UBE2O: variants seen among roughly 807,000 people sequenced by gnomAD.
UBE2O encodes ubiquitin conjugating enzyme E2 O.
UBE2O carries 15 observed loss-of-function variants against 125.8 expected under a neutral mutation model. The ratio of observed to expected loss-of-function variants is 0.12; its 90% CI spans 0.08 to 0.18. The LOEUF is 0.18. Ranked by LOEUF, UBE2O falls within the 10% of genes least tolerant of loss-of-function variation. The pLI is 1.00. For missense variants in UBE2O, 1,280 were observed against 1,723.6 expected (o/e 0.74, Z 4.56); for synonymous variants, 708 against 703.2 (o/e 1.01, Z -0.11).
In UBE2O at chr17:76,402,699, G is replaced by C. The variant is rs202081283; in HGVS notation, c.589C>G (p.Pro197Ala). 1 of 1,613,782 alleles carries C rather than the reference G, an allele frequency of 6.2e-7. No individual in the cohort carries two copies. The highest frequency in any genetic ancestry group is 2.2e-5 in the East Asian group (1 of 44,888). The change falls in exon 4 of 18, where the codon CCC becomes GCC. Residue 197 changes from proline (P) to alanine (A), a missense_variant and splice_region_variant. This residue lies in a region of UBE2O where 206 missense variants were observed against 315.7 expected (regional missense o/e 0.65). Coordinates refer to ENST00000319380, the MANE Select transcript of UBE2O (RefSeq NM_022066.4). This position sits in a 1 kb window ranked among gnomAD's most constrained non-coding sequence, Gnocchi z 5.4. Reference protein sequence around the residue: ...VNSKDLQHIWPFMYGDYIAYD... With the variant: ...VNSKDLQHIWAFMYGDYIAYD... ...GCAATGTAGTCCCCATACATGAAGG[G>C]CTGCAGACCAAGGAGGCAGGGGCAG...
At position 76,402,122 on chromosome 17, in the gene UBE2O, G is replaced by A; in HGVS notation, c.692C>T (p.Ser231Phe). ...CTTGGCGCCATCTTCCGTGTTCATGGAGCACCTAAAACAGAGAACAGAGGT... is the reference window on the plus strand; with the variant it reads ...CTTGGCGCCATCTTCCGTGTTCATGAAGCACCTAAAACAGAGAACAGAGGT... Reference protein sequence around the residue: ...ILKLSNGARCSMNTEDGAKLY... With the variant: ...ILKLSNGARCFMNTEDGAKLY... Residue 231 changes from serine to phenylalanine, a missense_variant, in exon 5 of 18, where the codon TCC becomes TTC. Physicochemically the swap from Ser to Phe is radical, Grantham distance 155. Coordinates refer to ENST00000319380, the MANE Select transcript of UBE2O (RefSeq NM_022066.4). The surrounding 1 kb of genome is among the most constrained non-coding windows in gnomAD (Gnocchi z 5.4). 6.2e-7 allele frequency: 1 copy of A among 1,613,652 alleles called. No individual in the cohort carries two copies.
chr17:76,418,434 G>A lies in UBE2O; in HGVS notation c.418-12862C>T, dbSNP rs528963230. On this transcript the variant is annotated intron_variant, in intron 1 of 17. Coordinates refer to ENST00000319380, the MANE Select transcript of UBE2O (RefSeq NM_022066.4). ...CATTTGGCTGTCTGCACCCTGTGCT[G>A]GCCTCTGAAGGGCAATGGTGGAAGC... 1.3e-4 allele frequency among the ~76,000 whole-genome samples: 20 copies of A among 152,332 alleles called. No individual in the cohort carries two copies. In the East Asian group the frequency reaches 3.1e-3, roughly 24 times the overall value.
intron 1 of UBE2O, among the ~76,000 whole-genome samples, chr17:76,434,399 T>G (rs2072951985): frequency 6.6e-6 from 1 of 152,080 alleles, no homozygotes; most frequent in South Asian, 2.1e-4. Flanking sequence ...CCCCAACGCG[T>G]AGGAAACACA....
rs752432724 is a variant in UBE2O, at chr17:76,437,037, T to C, written c.417+15688A>G. Among the ~76,000 whole-genome samples, 4 of 152,016 alleles carry C rather than the reference T, an allele frequency of 2.6e-5. No homozygotes were observed. The South Asian group carries it at 8.3e-4, about 32-fold the overall frequency. On this transcript the variant is annotated intron_variant, in intron 1 of 17. Transcript: ENST00000319380. ...GGTGGTGGGCACCCATAATCCTAGC[T>C]GCTCAGGAGGCTGAGGCAGGAGAAT...
intron 1 of UBE2O, among the ~76,000 whole-genome samples, chr17:76,429,285 T>TG (rs1354742287): frequency 6.6e-5 from 10 of 151,900 alleles, no homozygotes; most frequent in African/African-American, 2.4e-4. Flanking sequence ...CTCATGCCTG[T>TG]GATCCCAGCA....
At chr17:76,437,286 T>C (rs111414508) in intron 1 of UBE2O, among the ~76,000 whole-genome samples, 1 of 150,058 alleles carries the variant, frequency 6.7e-6, no homozygotes, top group Non-Finnish European at 1.5e-5. Context: ...CCGTCTCTAC[T>C]AAAAATACAC....
rs1328286070 is a variant in UBE2O, at chr17:76,405,759, G to A, written c.418-187C>T. On this transcript the variant is annotated intron_variant, in intron 1 of 17. Transcript: ENST00000319380. This position sits in a 1 kb window ranked among gnomAD's most constrained non-coding sequence, Gnocchi z 6.1. ...CAGCACCCAGACCCACAGGCAGAGC[G>A]CGTCACGCCCACAGGCCTCCTGGGG... Among the ~76,000 whole-genome samples, 1 of 152,158 alleles carries A rather than the reference G, an allele frequency of 6.6e-6. No homozygotes were observed. The highest frequency in any genetic ancestry group is 1.5e-5 in the Non-Finnish European group (1 of 68,034).
chr17:76,403,329 G>A (rs926194981), intron 3 of UBE2O, among the ~76,000 whole-genome samples: 5 of 152,094 alleles, frequency 3.3e-5, no homozygotes, highest in African/African-American at 1.2e-4. Flanking sequence ...GAGTGCAATG[G>A]TGTGATCTTG....
intron 1 of UBE2O, among the ~76,000 whole-genome samples, chr17:76,437,220 G>A (rs2073010458): frequency 6.6e-6 from 1 of 151,674 alleles, no homozygotes; most frequent in South Asian, 2.1e-4. Flanking sequence ...GGAGGCCAAG[G>A]CAGGCGGATC....
At chr17:76,392,193 C>T in intron 15 of UBE2O, 80 bp from the exon 16 acceptor site, 1 of 859,676 alleles carries the variant, frequency 1.2e-6, no homozygotes, top group Non-Finnish European at 1.7e-6. Context: ...TGCATCTGCA[C>T]CTGCTCTTTC....
chr17:76,432,548 G>A (rs2072922407), intron 1 of UBE2O, among the ~76,000 whole-genome samples: 1 of 152,114 alleles, frequency 6.6e-6, no homozygotes, highest in African/African-American at 2.4e-5. Flanking sequence ...GAAAGACTTA[G>A]GACTTAAAGC....
chr17:76,431,856 C>T (rs1014597494), intron 1 of UBE2O, among the ~76,000 whole-genome samples: 3 of 152,184 alleles, frequency 2.0e-5, no homozygotes, highest in African/African-American at 2.4e-5. Context: ...GCCACACATC[C>T]GCTCCTACAA....
chr17:76,429,755 T>TC (rs1291866559), intron 1 of UBE2O, among the ~76,000 whole-genome samples: 2 of 152,084 alleles, frequency 1.3e-5, no homozygotes, highest in Non-Finnish European at 2.9e-5. Flanking sequence ...ATGCCATGCC[T>TC]CATGCCTGGC....
chr17:76,449,657 G>A (rs1008932334), intron 1 of UBE2O, among the ~76,000 whole-genome samples: 3 of 152,188 alleles, frequency 2.0e-5, no homozygotes, highest in Non-Finnish European at 4.4e-5. Flanking sequence ...GGTGGCTCCT[G>A]CCTGTAATCC....
chr17:76,451,296 CA>C (rs1378339695), intron 1 of UBE2O, among the ~76,000 whole-genome samples: 1 of 152,212 alleles, frequency 6.6e-6, no homozygotes. Flanking sequence ...TAATTTTTAA[CA>C]AGCATTCTGT....
At position 76,396,038 on chromosome 17, in the gene UBE2O, G is replaced by A. The variant is rs1024791726; in HGVS notation, c.2809+90C>T. 25 of 1,506,050 alleles carry A rather than the reference G, an allele frequency of 1.7e-5. No individual in the cohort carries two copies. The highest frequency in any genetic ancestry group is 2.3e-5 in the Non-Finnish European group (25 of 1,104,986). 93.3% of individuals were successfully genotyped at this position (1,506,050 alleles called of 1,614,324 possible). A position where few individuals can be genotyped will look rare whatever the true frequency, so the allele number is the denominator to read the frequency against. On this transcript the variant is annotated intron_variant, in intron 14 of 17. Transcript: ENST00000319380. This position sits in a 1 kb window ranked among gnomAD's most constrained non-coding sequence, Gnocchi z 6.7. The stretch of plus-strand genomic sequence containing the variant: ...GGGCAGTAGCTGGGGTCTGGCGAGG[G>A]GACTAACCACCCTGCACCCAGATCT...
intron 1 of UBE2O, among the ~76,000 whole-genome samples, chr17:76,451,470 G>T (rs1025460662): frequency 6.6e-6 from 1 of 152,160 alleles, no homozygotes; most frequent in African/African-American, 2.4e-5. Context: ...AAAAGACCCC[G>T]CTGGTATCAG....
chr17:76,445,812 TC>T (rs2073141388), intron 1 of UBE2O, among the ~76,000 whole-genome samples: 1 of 152,208 alleles, frequency 6.6e-6, no homozygotes, highest in Non-Finnish European at 1.5e-5. Context: ...ACTGCACACA[TC>T]AAGTGGCTCC....
rs1176814150 is a variant in UBE2O at position 76,452,823 on chromosome 17, C to T, written c.319G>A (p.Ala107Thr). Reference sequence around the variant, plus strand: ...CTGGCCCGGCCCTCCTCGTGGCCCGCGCCCCCGGCCTCGGAGCACCCCGAG... The same window carrying T: ...CTGGCCCGGCCCTCCTCGTGGCCCGTGCCCCCGGCCTCGGAGCACCCCGAG... Reference protein sequence around the residue: ...GSSGCSEAGGAGHEEGRASPL... With the variant: ...GSSGCSEAGGTGHEEGRASPL... Residue 107 changes from alanine to threonine, a missense_variant, in exon 1 of 18, where the codon GCG (alanine) becomes ACG (threonine). By Grantham distance (58) the Ala-to-Thr change is moderately conservative. Coordinates refer to ENST00000319380, the MANE Select transcript of UBE2O (RefSeq NM_022066.4). This position sits in a 1 kb window ranked among gnomAD's most constrained non-coding sequence, Gnocchi z 4.4. 3 of 1,506,442 alleles carry T rather than the reference C, an allele frequency of 2.0e-6. No individual in the cohort carries two copies. Among genetic ancestry groups the T allele is most frequent in the South Asian group, 2.5e-5 (2 of 79,756 alleles). 93.3% of individuals were successfully genotyped at this position (1,506,442 alleles called of 1,614,324 possible).
Sources: allele counts gnomAD v4.1 joint callset (sites outside exome capture counted in the v4.1 genomes callset), GRCh38; gene constraint gnomAD v4.1.1; regional missense constraint gnomAD v4.1.1; non-coding constraint Gnocchi (gnomAD v3.1); transcripts MANE v1.5; gene names NCBI Gene and HGNC (gene_info 2026-07-23, HGNC 2026-07-21).